The following EXOC4 variants were observed in gnomAD, a reference collection of about 807,000 sequenced individuals.
The protein encoded by EXOC4 is exocyst complex component 4, also known as SEC8-like 1.
A neutral mutation model predicts 107.2 loss-of-function variants in EXOC4; 71 were observed. The observed-to-expected ratio is 0.66, with a 90% CI of 0.55 to 0.81. The LOEUF (loss-of-function observed/expected upper bound fraction) is 0.81, where lower values mean the gene tolerates loss of function less well. EXOC4 is among the 30% of genes least tolerant of loss of function. The pLI, the probability that EXOC4 is intolerant of heterozygous loss-of-function variation, is 0.00. For missense variants in EXOC4, 1,108 were observed against 1,189.6 expected, an observed-to-expected ratio of 0.93 and a Z score of 1.01; for synonymous variants, 456 against 441.2, an observed-to-expected ratio of 1.03 and a Z score of -0.42.
chr7:133,997,472 G>A lies in EXOC4; in HGVS notation c.2207-20G>A, dbSNP rs199813077. ...GTAGGCATCTAATGAAATGATTGGTGTTTTATCCTTACCTTTCAGTGCTTT... is the reference window on the plus strand; with the variant it reads ...GTAGGCATCTAATGAAATGATTGGTATTTTATCCTTACCTTTCAGTGCTTT... On this transcript the variant is annotated intron_variant, in intron 14 of 17. Transcript: ENST00000253861. 4 of 1,613,062 alleles carry A rather than the reference G, an allele frequency of 2.5e-6. No homozygotes were observed. In the East Asian group the frequency reaches 6.7e-5, roughly 27 times the overall value.
intron 10 of EXOC4, among the ~76,000 whole-genome samples, chr7:133,786,826 A>T (rs1796578806): frequency 6.6e-6 from 1 of 152,194 alleles, no homozygotes; most frequent in South Asian, 2.1e-4. Flanking sequence ...TTTCCTCCTA[A>T]TCATCCAGGC....
chr7:133,349,357 TTC>T (rs1056258810), intron 5 of EXOC4, among the ~76,000 whole-genome samples: 1 of 152,172 alleles, frequency 6.6e-6, no homozygotes, highest in Non-Finnish European at 1.5e-5. Context: ...CCATTCTACT[TTC>T]TGTTTCTATA....
intron 14 of EXOC4, among the ~76,000 whole-genome samples, chr7:133,971,349 TATATATATATATAGAGAG>T (rs1054572803): frequency 5.0e-5 from 5 of 99,998 alleles, no homozygotes; most frequent in African/African-American, 1.7e-4. Flanking sequence ...TATATATATA[TATATATATATATAGAGAG>T]AGAGAGAGAG....
intron 10 of EXOC4, among the ~76,000 whole-genome samples, chr7:133,691,509 T>C (rs946442643): frequency 1.3e-5 from 2 of 152,196 alleles, no homozygotes; most frequent in Non-Finnish European, 2.9e-5. Flanking sequence ...TAATAATACA[T>C]ATTTACTGAG....
intron 7 of EXOC4, among the ~76,000 whole-genome samples, chr7:133,387,015 C>G (rs970799167): frequency 6.6e-6 from 1 of 152,148 alleles, no homozygotes; most frequent in Non-Finnish European, 1.5e-5. Context: ...TATTCATGGT[C>G]AGTCTTAGTT....
chr7:133,483,040 CT>C (rs770917686), intron 9 of EXOC4, among the ~76,000 whole-genome samples: 1 of 152,212 alleles, frequency 6.6e-6, no homozygotes, highest in Non-Finnish European at 1.5e-5. Context: ...CTTCTGAGTA[CT>C]TTCCATACTG....
intron 9 of EXOC4, among the ~76,000 whole-genome samples, chr7:133,522,711 G>A (rs6964526): frequency 6.6e-6 from 1 of 152,090 alleles, no homozygotes; most frequent in African/African-American, 2.4e-5. Flanking sequence ...ATTCTTTGTT[G>A]GAAGAGAGGG....
intron 10 of EXOC4, among the ~76,000 whole-genome samples, chr7:133,651,089 A>G (rs1009459077): frequency 2.0e-5 from 3 of 151,986 alleles, no homozygotes; most frequent in Non-Finnish European, 4.4e-5. Flanking sequence ...GAGAAGGAAG[A>G]AAAGTCATAC....
chr7:133,897,742 T>C (rs1339646634), intron 12 of EXOC4, among the ~76,000 whole-genome samples: 4 of 87,386 alleles, frequency 4.6e-5, no homozygotes, highest in Non-Finnish European at 8.2e-5. Context: ...AATAATTATA[T>C]AATGAGCTAC....
At chr7:133,826,374 AT>A (rs1797702633) in intron 11 of EXOC4, among the ~76,000 whole-genome samples, 4 of 152,150 alleles carry the variant, frequency 2.6e-5, no homozygotes, top group African/African-American at 9.7e-5. Context: ...ACATTTCATC[AT>A]GGTGAGGTGG....
chr7:133,880,382 C>T (rs1798939692), intron 11 of EXOC4, among the ~76,000 whole-genome samples: 1 of 152,112 alleles, frequency 6.6e-6, no homozygotes, highest in Non-Finnish European at 1.5e-5. Flanking sequence ...CCTTAAGGTG[C>T]TTTTGAAGTG....
In EXOC4 at chr7:133,735,038, G is replaced by A. The variant is rs549615130; in HGVS notation, c.1515-82287G>A. On this transcript the variant is annotated intron_variant, in intron 10 of 17. Coordinates refer to ENST00000253861, the MANE Select transcript of EXOC4 (RefSeq NM_021807.4). ...AGCCTGTCCAACATGGTGAAACCCC[G>A]TCTCTGCTAAAAAAAAAAAAAAAAA... Among the ~76,000 whole-genome samples the A allele has an allele frequency of 6.7e-4, 83 of 123,544 alleles. 1 individual carries two copies. In the East Asian group the frequency reaches 0.016, roughly 23 times the overall value. 81.0% of individuals were successfully genotyped at this position (123,544 alleles called of 152,430 possible).
chr7:133,367,499 CA>C (rs1407610584), intron 6 of EXOC4, among the ~76,000 whole-genome samples: 3 of 152,152 alleles, frequency 2.0e-5, no homozygotes, highest in African/African-American at 4.8e-5. Context: ...AGTAGGGTCC[CA>C]GGGGTGAAAA....
At chr7:133,680,788 A>G (rs1794170520) in intron 10 of EXOC4, among the ~76,000 whole-genome samples, 1 of 152,218 alleles carries the variant, frequency 6.6e-6, no homozygotes, top group Admixed American at 6.5e-5. Context: ...AAACGAAGCA[A>G]AGAGAGTAGA....
intron 10 of EXOC4, among the ~76,000 whole-genome samples, chr7:133,655,530 T>C (rs1236804394): frequency 6.6e-6 from 1 of 152,230 alleles, no homozygotes; most frequent in South Asian, 2.1e-4. Context: ...TATATCCTTA[T>C]AGATGTTTTT....
intron 9 of EXOC4, among the ~76,000 whole-genome samples, chr7:133,536,027 G>C (rs1044811396): frequency 6.6e-6 from 1 of 152,112 alleles, no homozygotes; most frequent in African/African-American, 2.4e-5. Flanking sequence ...AAACTTTGAG[G>C]CAGCAGCATC....
At chr7:133,697,989 A>G (rs531039210) in intron 10 of EXOC4, among the ~76,000 whole-genome samples, 34 of 152,334 alleles carry the variant, frequency 2.2e-4, no homozygotes, top group African/African-American at 7.7e-4. Context: ...AAGAGAGTCT[A>G]TCACCAGCTC....
intron 9 of EXOC4, among the ~76,000 whole-genome samples, chr7:133,510,304 C>A (rs1343603667): frequency 6.6e-6 from 1 of 152,092 alleles, no homozygotes; most frequent in African/African-American, 2.4e-5. Flanking sequence ...ATAGTTCATT[C>A]CTTTTTATTA....
At chr7:134,088,127 T>G in the EXOC4 span, among the ~76,000 whole-genome samples, 31,976 of 152,040 alleles carry the variant, frequency 0.21, 5,041 homozygotes, top group African/African-American at 0.45. Context: ...CAGGAACCCT[T>G]TGCAGGGACT....
Sources: gnomAD v4.1 joint callset for allele counts (sites outside exome capture counted in the v4.1 genomes callset) on GRCh38, gnomAD v4.1.1 for gene constraint, MANE v1.5 for transcripts, NCBI Gene and HGNC (gene_info 2026-07-23, HGNC 2026-07-21) for gene names.